Variants in TRIM3 observed in about 807,000 individuals in gnomAD.
The protein encoded by TRIM3 is tripartite motif containing 3.
TRIM3 carries 13 observed loss-of-function variants against 66.6 expected under a neutral mutation model. The ratio of observed to expected loss-of-function variants is 0.20; its 90% CI spans 0.13 to 0.31. The LOEUF is 0.31. Ranked by LOEUF, TRIM3 falls within the 10% of genes least tolerant of loss-of-function variation. The pLI, the probability that TRIM3 is intolerant of heterozygous loss-of-function variation, is 1.00. For synonymous variants in TRIM3, 406 were observed against 411.7 expected (o/e 0.99, Z 0.17); for missense variants, 711 against 1,020.4 (o/e 0.70, Z 4.13).
rs377606044 is a variant in TRIM3, at chr11:6,458,304, G to T, written c.132-8C>A. 6.2e-7 allele frequency: 1 copy of T among 1,606,706 alleles called. No individual in the cohort carries two copies. The highest frequency in any genetic ancestry group is 8.5e-7 in the Non-Finnish European group (1 of 1,174,170). ...ATATAGTTTTGGAGACATCTGTCCA[G>T]GAAGGAGAGTCAAAGAACAGAGTGG... On this transcript the variant is annotated splice_region_variant and splice_polypyrimidine_tract_variant and intron_variant, in intron 2 of 11. Transcript: ENST00000345851. This position sits in a 1 kb window ranked among gnomAD's most constrained non-coding sequence, Gnocchi z 6.2.
At chr11:6,469,994 A>C (rs1264359638) in intron 1 of TRIM3, among the ~76,000 whole-genome samples, 1 of 152,242 alleles carries the variant, frequency 6.6e-6, no homozygotes, top group Non-Finnish European at 1.5e-5. Flanking sequence ...AGAGGTAGGC[A>C]AAAGATATAT....
At position 6,449,588 on chromosome 11, in the gene TRIM3, C is replaced by T. The variant is rs1849637219; in HGVS notation, c.1942-142G>A. 12 of 706,880 alleles carry T rather than the reference C, an allele frequency of 1.7e-5. No individual in the cohort carries two copies. In the South Asian group the frequency reaches 2.4e-4, roughly 14 times the overall value. 43.8% of individuals were successfully genotyped at this position (706,880 alleles called of 1,614,324 possible). A position where few individuals can be genotyped will look rare whatever the true frequency, so the allele number is the denominator to read the frequency against. On this transcript the variant is annotated intron_variant, in intron 10 of 11. Transcript: ENST00000345851. The surrounding 1 kb of genome is among the most constrained non-coding windows in gnomAD (Gnocchi z 5.3). ...GCCCAAATCTGCTTCATAGGCTTCA[C>T]ATCCATGTGCCCTACTGCCTAGTAG...
In TRIM3 at chr11:6,457,599, C is replaced by T. The variant is rs1036524707; in HGVS notation, c.515+97G>A. The T allele has an allele frequency of 3.9e-6, 6 of 1,551,762 alleles. No individual in the cohort carries two copies. The East Asian group carries it at 9.0e-5, about 23-fold the overall frequency. ...CTTCCTGAGACCTCCCTGAGACTTC[C>T]ATCTCTGCCCTTCCCAGACCCTTTA... On this transcript the variant is annotated intron_variant, in intron 4 of 11. Coordinates refer to ENST00000345851, the MANE Select transcript of TRIM3 (RefSeq NM_033278.4). The surrounding 1 kb of genome is among the most constrained non-coding windows in gnomAD (Gnocchi z 4.5).
chr11:6,454,374 G>T (rs894568933), intron 7 of TRIM3, among the ~76,000 whole-genome samples: 3 of 135,200 alleles, frequency 2.2e-5, no homozygotes, highest in African/African-American at 8.5e-5. Flanking sequence ...CTGGACAACA[G>T]AGACCCTGTC....
rs371161551 is a variant in TRIM3 at position 6,465,517 on chromosome 11, T to A, written c.131+48A>T. The A allele has an allele frequency of 2.5e-6, 4 of 1,607,146 alleles. No homozygotes were observed. In the East Asian group the frequency reaches 9.0e-5, roughly 36 times the overall value. On this transcript the variant is annotated intron_variant, in intron 2 of 11. Transcript: ENST00000345851. Reference sequence around the variant, plus strand: ...TCCCCACAGGGGAGGAGGATCCTCATCCTCCCCACAGGGTCCTCATCCCTC... The same window carrying A: ...TCCCCACAGGGGAGGAGGATCCTCAACCTCCCCACAGGGTCCTCATCCCTC...
At position 6,457,459 on chromosome 11, in the gene TRIM3, G is replaced by A; in HGVS notation, c.533C>T (p.Ala178Val). 6.2e-7 allele frequency: 1 copy of A among 1,612,772 alleles called. No individual in the cohort carries two copies. Among genetic ancestry groups the A allele is most frequent in the Non-Finnish European group, 8.5e-7 (1 of 1,180,000 alleles). The change falls in exon 5 of 12, where the codon GCA becomes GTA. Residue 178 changes from alanine (A) to valine (V), a missense_variant. Physicochemically the swap from Ala to Val is moderately conservative, Grantham distance 64 (BLOSUM62 0). Around this residue, in one of 3 missense-constraint regions of TRIM3, gnomAD observed 399 missense variants for 458.1 expected, o/e 0.87. Transcript: ENST00000345851. The surrounding 1 kb of genome is among the most constrained non-coding windows in gnomAD (Gnocchi z 4.5). ...GATGCCCCCGACTAAGGCAATTGCTGCGGACAGCTGTGGCAATCTGGAGGG... is the reference window on the plus strand; with the variant it reads ...GATGCCCCCGACTAAGGCAATTGCTACGGACAGCTGTGGCAATCTGGAGGG... ...AVRGRLPQLS[A>V]AIALVGGISQ...
At chr11:6,459,498 A>T (rs1212450252) in intron 2 of TRIM3, among the ~76,000 whole-genome samples, 1 of 152,208 alleles carries the variant, frequency 6.6e-6, no homozygotes, top group Non-Finnish European at 1.5e-5. Context: ...GCCAGGTGCC[A>T]TGCTTTCTGA....
At position 6,460,557 on chromosome 11, in the gene TRIM3, G is replaced by A. The variant is rs1850181157; in HGVS notation, c.132-2261C>T. On this transcript the variant is annotated intron_variant, in intron 2 of 11. Transcript: ENST00000345851. The stretch of plus-strand genomic sequence containing the variant: ...CTGAATGGAGGGAAGGAGGAAAGGA[G>A]AGGAGGATATAGAGAGGCACTAGGG... Among the ~76,000 whole-genome samples, 3 of 152,162 alleles carry A rather than the reference G, an allele frequency of 2.0e-5. No homozygotes were observed. The South Asian group carries it at 6.2e-4, about 32-fold the overall frequency.
intron 2 of TRIM3, among the ~76,000 whole-genome samples, chr11:6,459,474 T>G (rs1234362621): frequency 6.6e-6 from 1 of 152,228 alleles, no homozygotes; most frequent in Non-Finnish European, 1.5e-5. Context: ...TTACCATTTA[T>G]TAAGTGCATA....
rs1204596526 is a variant in TRIM3 at position 6,451,431 on chromosome 11, G to A, written c.1541C>T (p.Ser514Phe). ...ACGGAACTTGAACTGGCCCTCATTGGAGAAAACCTGGAGCAGAGGAGCAAG... is the reference window on the plus strand; with the variant it reads ...ACGGAACTTGAACTGGCCCTCATTGAAGAAAACCTGGAGCAGAGGAGCAAG... Reference protein sequence around the residue: ...DSNNQCIQVFSNEGQFKFRFG... With the variant: ...DSNNQCIQVFFNEGQFKFRFG... The change falls in exon 8 of 12, where the codon TCC becomes TTC. Residue 514 changes from serine to phenylalanine, a missense_variant. Ser to Phe is a radical substitution (Grantham distance 155). Transcript: ENST00000345851. 6.2e-7 allele frequency: 1 copy of A among 1,614,160 alleles called. No individual in the cohort carries two copies. The highest frequency in any genetic ancestry group is 1.7e-5 in the Admixed American group (1 of 60,020).
At chr11:6,471,473 A>G (rs527313471) in intron 1 of TRIM3, among the ~76,000 whole-genome samples, 2 of 152,336 alleles carry the variant, frequency 1.3e-5, no homozygotes, top group South Asian at 4.1e-4. Context: ...AAGGAAAGCA[A>G]TGAAATTCAT....
At position 6,456,522 on chromosome 11, in the gene TRIM3, C is replaced by G; in HGVS notation, c.1204G>C (p.Val402Leu). The change falls in exon 6 of 12, where the codon GTG becomes CTG. Residue 402 changes from valine to leucine, a missense_variant. Transcript: ENST00000345851. This position sits in a 1 kb window ranked among gnomAD's most constrained non-coding sequence, Gnocchi z 6.4. ...CGCACTGGCTGTCCGTAGAGCAGCA[C>G]CGAGAGGAGCAGCTCGCCTTCCGTG... Reference protein sequence around the residue: ...ARTEGELLLSVLLYGQPVRGS... With the variant: ...ARTEGELLLSLLLYGQPVRGS... 1 of 1,590,210 alleles carries G rather than the reference C, an allele frequency of 6.3e-7. No homozygotes were observed. The highest frequency in any genetic ancestry group is 8.6e-7 in the Non-Finnish European group (1 of 1,162,930).
Position 6,449,495 on chromosome 11 carries a change from G to T in TRIM3, c.1942-49C>A, listed in dbSNP as rs778075390. ...CTGGGGACCTGGCCTCAGGCAGAGG[G>T]TAGGGCTTTGGAGGAGGATAGGGTG... is the stretch of plus-strand genomic sequence containing the variant. On this transcript the variant is annotated intron_variant, in intron 10 of 11. Transcript: ENST00000345851. This position sits in a 1 kb window ranked among gnomAD's most constrained non-coding sequence, Gnocchi z 5.3. The T allele has an allele frequency of 1.3e-6, 2 of 1,574,762 alleles. No individual in the cohort carries two copies. The highest frequency in any genetic ancestry group is 1.7e-6 in the Non-Finnish European group (2 of 1,155,772).
Position 6,449,849 on chromosome 11 carries a change from C to T in TRIM3, c.1942-403G>A, listed in dbSNP as rs147980395. Reference sequence around the variant, plus strand: ...TGCATACACTGTCTCGTCTTTCTCACGGTCCAGGCTCACATCATTTCTCAT... The same window carrying T: ...TGCATACACTGTCTCGTCTTTCTCATGGTCCAGGCTCACATCATTTCTCAT... On this transcript the variant is annotated intron_variant, in intron 10 of 11. Coordinates refer to ENST00000345851, the MANE Select transcript of TRIM3 (RefSeq NM_033278.4). The surrounding 1 kb of genome is among the most constrained non-coding windows in gnomAD (Gnocchi z 5.3). The T allele has an allele frequency of 1.7e-3, 294 of 176,064 alleles. 1 individual carries two copies. Among genetic ancestry groups the T allele is most frequent in the African/African-American group, 6.4e-3 (271 of 42,108 alleles). 10.9% of individuals were successfully genotyped at this position (176,064 alleles called of 1,614,324 possible).
In TRIM3 at chr11:6,458,437, C is replaced by T. The variant is rs1850088569; in HGVS notation, c.132-141G>A. On this transcript the variant is annotated intron_variant, in intron 2 of 11. Coordinates refer to ENST00000345851, the MANE Select transcript of TRIM3 (RefSeq NM_033278.4). This position sits in a 1 kb window ranked among gnomAD's most constrained non-coding sequence, Gnocchi z 6.2. Reference sequence around the variant, plus strand: ...TTTAAAACCTCTCTGCTTGACACATCTCATCTGCCAGCAGGTATAATGGCC... The same window carrying T: ...TTTAAAACCTCTCTGCTTGACACATTTCATCTGCCAGCAGGTATAATGGCC... 1.5e-6 allele frequency: 1 copy of T among 684,992 alleles called. No homozygotes were observed. Among genetic ancestry groups the T allele is most frequent in the African/African-American group, 1.8e-5 (1 of 55,518 alleles). 42.4% of individuals were successfully genotyped at this position (684,992 alleles called of 1,614,324 possible).
intron 2 of TRIM3, among the ~76,000 whole-genome samples, chr11:6,463,746 A>G (rs529074054): frequency 1.3e-5 from 2 of 152,226 alleles, no homozygotes; most frequent in African/African-American, 2.4e-5. Context: ...ATTCTGGATT[A>G]TAAGATTCAG....
rs147289402 is a variant in TRIM3 at position 6,451,659 on chromosome 11, G to A, written c.1534-221C>T. ...ACATGAAGGGATGAAGGGGAATGGT[G>A]AGAAAAGGCTCCAAGAGAAGAAGAT... On this transcript the variant is annotated intron_variant, in intron 7 of 11. Transcript: ENST00000345851. The A allele has an allele frequency of 6.5e-4, 365 of 562,872 alleles. 1 individual carries two copies. In the East Asian group the frequency reaches 6.6e-3, roughly 10 times the overall value. The allele number at this position is 562,872 out of a possible 1,614,324, so 34.9% of individuals were successfully genotyped here.
At chr11:6,451,666 G>C in intron 7 of TRIM3, 1 of 547,808 alleles carries the variant, frequency 1.8e-6, no homozygotes, top group Non-Finnish European at 3.2e-6. Context: ...GGTGAGAAAA[G>C]GCTCCAAGAG....
Position 6,454,747 on chromosome 11 carries a change from A to G in TRIM3, c.1533+1325T>C, listed in dbSNP as rs189370194. On this transcript the variant is annotated intron_variant, in intron 7 of 11. Transcript: ENST00000345851. ...TGGACAGAACTGGGAATATGGCCAC[A>G]GAAGAGTCCCTTGCACTTTTAGACT... 2.0e-5 allele frequency among the ~76,000 whole-genome samples: 3 copies of G among 152,294 alleles called. No homozygotes were observed. The East Asian group carries it at 5.8e-4, about 29-fold the overall frequency.
Sources: allele counts gnomAD v4.1 joint callset (sites outside exome capture counted in the v4.1 genomes callset), GRCh38; gene constraint gnomAD v4.1.1; regional missense constraint gnomAD v4.1.1; non-coding constraint Gnocchi (gnomAD v3.1); transcripts MANE v1.5; gene names NCBI Gene and HGNC (gene_info 2026-07-23, HGNC 2026-07-21).